Variants in TSHR observed in about 807,000 individuals in gnomAD.
TSHR encodes the protein thyrotropin receptor.
TSHR carries 51 observed loss-of-function variants against 64.1 expected under a neutral mutation model. The observed-to-expected ratio is 0.80, with a 90% CI of 0.64 to 1.01. TSHR has a LOEUF of 1.01. Among genes scored for constraint, TSHR ranks in the 50% least tolerant of loss-of-function variants. The pLI is 0.00. For synonymous variants in TSHR, 361 were observed against 361.9 expected (o/e 1.00, Z 0.03); for missense variants, 877 against 942.8 (o/e 0.93, Z 0.91).
chr14:80,974,763 T>C (rs1887779262), intron 1 of TSHR, among the ~76,000 whole-genome samples: 2 of 152,184 alleles, frequency 1.3e-5, no homozygotes, highest in Admixed American at 1.3e-4. Flanking sequence ...CTTGGAGGGA[T>C]TGTGCTTTCT....
chr14:80,996,995 A>G (rs1328766389), intron 1 of TSHR, among the ~76,000 whole-genome samples: 1 of 152,196 alleles, frequency 6.6e-6, no homozygotes, highest in East Asian at 1.9e-4. Flanking sequence ...TATTATTACT[A>G]CTACTACTAC....
At chr14:80,983,374 C>G (rs145706753) in intron 1 of TSHR, 1 of 1,110,304 alleles carries the variant, frequency 9.0e-7, no homozygotes, top group Non-Finnish European at 1.3e-6. Flanking sequence ...AAGTACAAAA[C>G]CAGACATCTT....
intron 9 of TSHR, among the ~76,000 whole-genome samples, chr14:81,141,278 G>A (rs1891675304): frequency 6.6e-6 from 1 of 152,224 alleles, no homozygotes; most frequent in South Asian, 2.1e-4. Flanking sequence ...AGGGCTGGGT[G>A]GGAGGCTTAA....
At chr14:81,091,019 T>A (rs1415939584) in intron 4 of TSHR, 50 bp from the exon 5 acceptor site, 1 of 1,518,414 alleles carries the variant, frequency 6.6e-7, no homozygotes, top group Admixed American at 1.7e-5. Context: ...ATGTGTTGAT[T>A]TTTTTACCTA....
At chr14:81,081,865 T>C (rs1396450657) in intron 3 of TSHR, among the ~76,000 whole-genome samples, 1 of 152,148 alleles carries the variant, frequency 6.6e-6, no homozygotes, top group Non-Finnish European at 1.5e-5. Context: ...TATTCACTTA[T>C]ATTCTAATTA....
intron 1 of TSHR, among the ~76,000 whole-genome samples, chr14:81,018,826 T>C (rs1165614654): frequency 1.3e-5 from 2 of 152,148 alleles, no homozygotes; most frequent in South Asian, 2.1e-4. Flanking sequence ...AAAAAATGCA[T>C]GCAAAATCCC....
At chr14:81,030,825 T>C (rs1884311096) in intron 1 of TSHR, among the ~76,000 whole-genome samples, 1 of 152,200 alleles carries the variant, frequency 6.6e-6, no homozygotes, top group Non-Finnish European at 1.5e-5. Context: ...ATTTTTATTT[T>C]AACCAATAAG....
At chr14:81,068,191 G>A (rs2139909128) in intron 2 of TSHR, 63 bp from the exon 3 acceptor site, 2 of 1,495,308 alleles carry the variant, frequency 1.3e-6, no homozygotes, top group Non-Finnish European at 1.9e-6. Context: ...GTCAAAAATA[G>A]TATGTTTGAA....
intron 8 of TSHR, among the ~76,000 whole-genome samples, chr14:81,123,041 C>T (rs1347227801): frequency 2.0e-5 from 3 of 151,914 alleles, no homozygotes; most frequent in Non-Finnish European, 2.9e-5. Flanking sequence ...GCACGAGAAT[C>T]GCTTGAACCT....
At chr14:81,028,145 C>T (rs1304857280) in intron 1 of TSHR, among the ~76,000 whole-genome samples, 2 of 152,170 alleles carry the variant, frequency 1.3e-5, no homozygotes, top group African/African-American at 4.8e-5. Flanking sequence ...ACTAGAGGAA[C>T]TCAAGTAGAT....
At position 81,096,724 on chromosome 14, in the gene TSHR, C is replaced by T; in HGVS notation, c.614+17C>T. ...GGATGCTGTGTAAGTCAAGGGTAGC[C>T]ATGAAAACTGTCACTTTCCCTTACC... On this transcript the variant is annotated intron_variant, in intron 7 of 9. Transcript: ENST00000298171. The T allele has an allele frequency of 6.2e-7, 1 of 1,612,482 alleles. No individual in the cohort carries two copies. The highest frequency in any genetic ancestry group is 2.2e-5 in the East Asian group (1 of 44,830).
chr14:81,061,829 A>G (rs1886265933), intron 1 of TSHR, among the ~76,000 whole-genome samples: 1 of 152,144 alleles, frequency 6.6e-6, no homozygotes, highest in Non-Finnish European at 1.5e-5. Flanking sequence ...TTTAATAAAA[A>G]GACCCCCCAA....
At chr14:81,107,911 A>T (rs2140028934) in intron 7 of TSHR, among the ~76,000 whole-genome samples, 1 of 152,300 alleles carries the variant, frequency 6.6e-6, no homozygotes, top group South Asian at 2.1e-4. Context: ...CAAAGAAAAC[A>T]TCTGAATCTC....
intron 1 of TSHR, among the ~76,000 whole-genome samples, chr14:80,989,281 G>A (rs567154776): frequency 8.5e-5 from 13 of 152,182 alleles, no homozygotes; most frequent in African/African-American, 3.1e-4. Flanking sequence ...AGCCCCTTGA[G>A]GATTCTTCAG....
chr14:81,032,547 A>G, intron 1 of TSHR: 1 of 417,506 alleles, frequency 2.4e-6, no homozygotes, highest in Non-Finnish European at 4.7e-6. Flanking sequence ...TTCAGAGAAG[A>G]CTGTAGTGGT....
intron 1 of TSHR, among the ~76,000 whole-genome samples, chr14:80,985,267 GA>G (rs1888383948): frequency 6.6e-6 from 1 of 152,100 alleles, no homozygotes; most frequent in South Asian, 2.1e-4. Context: ...AAACCAAAAA[GA>G]AAAAGGTAAT....
chr14:80,974,331 T>C (rs1279895719), intron 1 of TSHR, among the ~76,000 whole-genome samples: 2 of 152,184 alleles, frequency 1.3e-5, no homozygotes, highest in Admixed American at 6.5e-5. Context: ...GTTCTTATCT[T>C]CTTCCAGATA....
chr14:81,106,582 G>T (rs1301063027), intron 7 of TSHR, among the ~76,000 whole-genome samples: 2 of 152,164 alleles, frequency 1.3e-5, no homozygotes, highest in African/African-American at 2.4e-5. Flanking sequence ...TGCTGTGAAA[G>T]AAATAGAGAG....
intron 6 of TSHR, among the ~76,000 whole-genome samples, chr14:81,093,127 T>C (rs889757276): frequency 1.3e-5 from 2 of 152,186 alleles, no homozygotes; most frequent in African/African-American, 4.8e-5. Flanking sequence ...AAAAAAGTGG[T>C]GCCACTAAGA....
Sources: allele counts gnomAD v4.1 joint callset (sites outside exome capture counted in the v4.1 genomes callset), GRCh38; gene constraint gnomAD v4.1.1; transcripts MANE v1.5; gene names NCBI Gene and HGNC (gene_info 2026-07-23, HGNC 2026-07-21).